Variants in PRMT9 observed in about 807,000 individuals in gnomAD.
PRMT9 encodes protein arginine methyltransferase 9.
PRMT9 carries 59 observed loss-of-function variants against 83.2 expected under a neutral mutation model. That is an observed-to-expected ratio of 0.71 (90% CI 0.57 to 0.88). The LOEUF is 0.88. PRMT9 is among the 40% of genes least tolerant of loss of function. The pLI is 0.00. For synonymous variants in PRMT9, 333 were observed against 353.2 expected, an observed-to-expected ratio of 0.94 and a Z score of 0.64; for missense variants, 947 against 1,021.9, an observed-to-expected ratio of 0.93 and a Z score of 1.00.
At chr4:147,642,764 G>T in intron 10 of PRMT9, 23 bp downstream of exon 10, 1 of 1,603,546 alleles carries the variant, frequency 6.2e-7, no homozygotes, top group South Asian at 1.1e-5. Context: ...CATCCTGGTT[G>T]AACTTCTCCT....
chr4:147,669,005 G>A (rs1428672911), intron 5 of PRMT9, among the ~76,000 whole-genome samples: 1 of 152,060 alleles, frequency 6.6e-6, no homozygotes, highest in Non-Finnish European at 1.5e-5. Flanking sequence ...AGAATCGCTT[G>A]AACCCAGGAG....
chr4:147,650,584 GC>G (rs1375547036), intron 9 of PRMT9, among the ~76,000 whole-genome samples: 1 of 152,142 alleles, frequency 6.6e-6, no homozygotes, highest in Non-Finnish European at 1.5e-5. Context: ...GGGAACACCT[GC>G]AATCCATATC....
intron 9 of PRMT9, among the ~76,000 whole-genome samples, chr4:147,644,492 A>G (rs182400420): frequency 1.9e-4 from 29 of 150,774 alleles, no homozygotes; most frequent in Non-Finnish European, 3.4e-4. Flanking sequence ...TGAAAATCTT[A>G]TAAGAATAGA....
chr4:147,675,405 T>G (rs1362753878), intron 2 of PRMT9, among the ~76,000 whole-genome samples: 1 of 152,212 alleles, frequency 6.6e-6, no homozygotes, highest in Non-Finnish European at 1.5e-5. Context: ...ACATTCATGA[T>G]TTAGGTGAAA....
intron 5 of PRMT9, 72 bp from the exon 6 acceptor site, chr4:147,668,717 G>A: frequency 1.1e-6 from 1 of 882,340 alleles, no homozygotes; most frequent in South Asian, 1.4e-5. Context: ...GATAAGCTAT[G>A]AAAATATAAT....
chr4:147,664,828 A>C lies in PRMT9; in HGVS notation c.953+3711T>G, dbSNP rs144222192. On this transcript the variant is annotated intron_variant, in intron 6 of 11. Transcript: ENST00000322396. ...TTAAATTAAATTAAATTTTTTAAAAAAACAGGCCGGGCACAGTGGCTCACA... is the reference window on the plus strand; with the variant it reads ...TTAAATTAAATTAAATTTTTTAAAACAACAGGCCGGGCACAGTGGCTCACA... Among the ~76,000 whole-genome samples the C allele has an allele frequency of 5.4e-3, 817 of 152,130 alleles. 4 individuals carry two copies. The highest frequency in any genetic ancestry group is 0.02 in the Middle Eastern group (6 of 294).
intron 9 of PRMT9, among the ~76,000 whole-genome samples, chr4:147,650,843 C>A (rs1265379458): frequency 1.3e-5 from 2 of 152,174 alleles, no homozygotes; most frequent in African/African-American, 4.8e-5. Context: ...TGGCTCATGC[C>A]TGTAATCCCA....
At chr4:147,639,803 G>A (rs1733258828) in intron 10 of PRMT9, among the ~76,000 whole-genome samples, 2 of 152,082 alleles carry the variant, frequency 1.3e-5, no homozygotes, top group African/African-American at 4.8e-5. Flanking sequence ...GGCGAAACAG[G>A]ACACAGATAC....
chr4:147,659,495 T>C (rs1734787202), intron 7 of PRMT9, among the ~76,000 whole-genome samples: 1 of 152,020 alleles, frequency 6.6e-6, no homozygotes, highest in African/African-American at 2.4e-5. Context: ...ACAACATTTA[T>C]GTACTTGAAC....
At chr4:147,649,559 A>G (rs2126584322) in intron 9 of PRMT9, among the ~76,000 whole-genome samples, 1 of 152,128 alleles carries the variant, frequency 6.6e-6, no homozygotes, top group Admixed American at 6.5e-5. Context: ...CTGGAGTGCA[A>G]TGGCGCGATC....
rs1428439251 is a variant in PRMT9 at position 147,665,147 on chromosome 4, G to A, written c.953+3392C>T. ...AACAAAAAAAAAAAAAAAAAAAGATGTTGTCTGGCTTCTTCCCTATATACT... is the reference window on the plus strand; with the variant it reads ...AACAAAAAAAAAAAAAAAAAAAGATATTGTCTGGCTTCTTCCCTATATACT... On this transcript the variant is annotated intron_variant, in intron 6 of 11. Transcript: ENST00000322396. Among the ~76,000 whole-genome samples the A allele has an allele frequency of 8.0e-5, 11 of 138,242 alleles. No homozygotes were observed. In the East Asian group the frequency reaches 2.5e-3, roughly 31 times the overall value. 90.7% of individuals were successfully genotyped at this position (138,242 alleles called of 152,430 possible). A position where few individuals can be genotyped will look rare whatever the true frequency, so the allele number is the denominator to read the frequency against.
chr4:147,648,643 T>C (rs1388478208), intron 9 of PRMT9, among the ~76,000 whole-genome samples: 2 of 152,194 alleles, frequency 1.3e-5, no homozygotes, highest in Non-Finnish European at 2.9e-5. Flanking sequence ...CTGTAAGAAG[T>C]ACAAGTGACA....
At chr4:147,677,299 A>T (rs1736151736) in intron 2 of PRMT9, among the ~76,000 whole-genome samples, 1 of 152,046 alleles carries the variant, frequency 6.6e-6, no homozygotes, top group African/African-American at 2.4e-5. Flanking sequence ...CAAAAATTCC[A>T]AAGAAAAAAA....
intron 6 of PRMT9, among the ~76,000 whole-genome samples, chr4:147,662,179 G>A (rs1302598258): frequency 1.3e-5 from 2 of 152,152 alleles, no homozygotes; most frequent in Non-Finnish European, 2.9e-5. Context: ...ATATAATGGA[G>A]TATGATTCCG....
chr4:147,677,624 T>G (rs1400077006), intron 2 of PRMT9, among the ~76,000 whole-genome samples: 1 of 151,990 alleles, frequency 6.6e-6, no homozygotes, highest in Non-Finnish European at 1.5e-5. Flanking sequence ...CGTTTACTTT[T>G]TGCATTTTTT....
At chr4:147,673,506 G>C (rs531342313) in intron 3 of PRMT9, 132 bp downstream of exon 3, 7 of 718,050 alleles carry the variant, frequency 9.7e-6, no homozygotes, top group South Asian at 8.3e-5. Flanking sequence ...AAACATAATA[G>C]TTACATAAAT....
intron 9 of PRMT9, 103 bp downstream of exon 9, chr4:147,653,749 T>C (rs1294475228): frequency 1.2e-6 from 1 of 804,352 alleles, no homozygotes; most frequent in Non-Finnish European, 2.0e-6. Flanking sequence ...TACAGTGATC[T>C]TGACTTATTT....
chr4:147,672,171 G>A (rs549155592), intron 4 of PRMT9: 85 of 251,418 alleles, frequency 3.4e-4, no homozygotes, highest in African/African-American at 1.9e-3. Flanking sequence ...TTTTTCATGA[G>A]AATAAATGTA....
intron 1 of PRMT9, among the ~76,000 whole-genome samples, chr4:147,682,774 T>C (rs1736575206): frequency 6.6e-6 from 1 of 151,582 alleles, no homozygotes; most frequent in South Asian, 2.1e-4. Context: ...ACATATCATC[T>C]CCTCCTCAAG....
Sources: allele counts gnomAD v4.1 joint callset (sites outside exome capture counted in the v4.1 genomes callset), GRCh38; gene constraint gnomAD v4.1.1; transcripts MANE v1.5; gene names NCBI Gene and HGNC (gene_info 2026-07-23, HGNC 2026-07-21).